The following PCDH15 variants were observed in gnomAD, a reference collection of about 807,000 sequenced individuals.
PCDH15 encodes the protein protocadherin-15.
In PCDH15, 129 loss-of-function variants were observed where a neutral mutation model predicts 178.5. The ratio of observed to expected loss-of-function variants is 0.72; its 90% CI spans 0.63 to 0.84. The LOEUF is 0.84. Among genes scored for constraint, PCDH15 ranks in the 40% least tolerant of loss-of-function variants. The pLI, the probability that PCDH15 is intolerant of heterozygous loss-of-function variation, is 0.00. For missense variants in PCDH15, 2,230 were observed against 2,099.9 expected (o/e 1.06, Z -1.21); for synonymous variants, 800 against 732.0 (o/e 1.09, Z -1.50).
intron 1 of PCDH15, among the ~76,000 whole-genome samples, chr10:55,280,724 T>C (rs960009479): frequency 6.6e-6 from 1 of 152,140 alleles, no homozygotes; most frequent in Admixed American, 6.5e-5. Flanking sequence ...GTAAACCGCA[T>C]TCACCTAGAA....
chr10:53,956,965 A>C (rs917810567), intron 23 of PCDH15, among the ~76,000 whole-genome samples: 2 of 152,242 alleles, frequency 1.3e-5, no homozygotes, highest in South Asian at 2.1e-4. Context: ...GGCATTAAGC[A>C]AAGATACTTA....
chr10:53,904,062 C>T lies in PCDH15; in HGVS notation c.3374-692G>A, dbSNP rs75955389. Among the ~76,000 whole-genome samples the T allele has an allele frequency of 4.6e-5, 7 of 152,152 alleles. No homozygotes were observed. In the East Asian group the frequency reaches 1.4e-3, roughly 29 times the overall value. On this transcript the variant is annotated intron_variant, in intron 25 of 37. Coordinates refer to ENST00000644397, the MANE Select transcript of PCDH15 (RefSeq NM_001384140.1). ...ATATGTCATCATCAAATGTTAGAAC[C>T]TCCCTCAAATCATCACACCTTTAAT...
At chr10:55,066,450 T>A (rs899138810) in intron 2 of PCDH15, among the ~76,000 whole-genome samples, 1 of 150,922 alleles carries the variant, frequency 6.6e-6, no homozygotes, top group African/African-American at 2.4e-5. Flanking sequence ...ATATGCAGTG[T>A]TCTCTGTATC....
chr10:54,428,403 G>A (rs933536662), intron 3 of PCDH15, among the ~76,000 whole-genome samples: 1 of 152,200 alleles, frequency 6.6e-6, no homozygotes, highest in Admixed American at 6.5e-5. Flanking sequence ...GTATGAGTAT[G>A]TCCCATGAAA....
At position 54,489,439 on chromosome 10, in the gene PCDH15, T is replaced by C. The variant is rs902749367; in HGVS notation, c.157+38373A>G. Among the ~76,000 whole-genome samples, 7 of 152,122 alleles carry C rather than the reference T, an allele frequency of 4.6e-5. No individual in the cohort carries two copies. The East Asian group carries it at 1.3e-3, about 29-fold the overall frequency. On this transcript the variant is annotated intron_variant, in intron 3 of 37. Coordinates refer to ENST00000644397, the MANE Select transcript of PCDH15 (RefSeq NM_001384140.1). The stretch of plus-strand genomic sequence containing the variant: ...TAAAAAAGAGTAATGCTGAAAATAA[T>C]TATAGTTGTTGGATATGCTCCTCAT...
At chr10:55,132,825 G>A (rs976430585) in intron 2 of PCDH15, among the ~76,000 whole-genome samples, 8 of 152,250 alleles carry the variant, frequency 5.3e-5, no homozygotes, top group Non-Finnish European at 7.3e-5. Flanking sequence ...TTAAGACTGT[G>A]AGCATTTACC....
intron 2 of PCDH15, among the ~76,000 whole-genome samples, chr10:54,622,660 A>AATT (rs2093408766): frequency 1.1e-5 from 1 of 94,002 alleles, no homozygotes; most frequent in Non-Finnish European, 1.9e-5. Context: ...TATACTATAT[A>AATT]ATATATATTA....
rs539932453 is a variant in PCDH15 at position 55,113,117 on chromosome 10, T to C, written c.-80+53459A>G. On this transcript the variant is annotated intron_variant, in intron 2 of 5. Coordinates refer to the PCDH15 transcript ENST00000458638. ...ATCTCAAATTTCCAGTCTCCAAAAC[T>C]GTGAGAAATAAATATCTGTCATTTC... Among the ~76,000 whole-genome samples the C allele has an allele frequency of 1.7e-3, 262 of 152,296 alleles. 1 individual carries two copies. Among genetic ancestry groups the C allele is most frequent in the African/African-American group, 5.5e-3 (227 of 41,564 alleles).
rs1273216809 is a variant in PCDH15, at chr10:55,075,557, G to A, written c.-80+91019C>T. Among the ~76,000 whole-genome samples the A allele has an allele frequency of 2.6e-5, 4 of 151,752 alleles. No homozygotes were observed. The South Asian group carries it at 8.3e-4, about 32-fold the overall frequency. On this transcript the variant is annotated intron_variant, in intron 2 of 5. Coordinates refer to the PCDH15 transcript ENST00000458638. ...ATTTTTGTATTTTAGTAGAGACGGG[G>A]TTTCACCATGCTGGCCAAGATGGTC...
intron 1 of PCDH15, among the ~76,000 whole-genome samples, chr10:55,253,229 C>CGTGT (rs879700043): frequency 2.8e-4 from 35 of 125,458 alleles, no homozygotes; most frequent in Non-Finnish European, 4.2e-4. Context: ...AGAGTATGTG[C>CGTGT]GTGTGTGTGT....
chr10:53,805,706 G>C lies in PCDH15; in HGVS notation c.*873C>G, dbSNP rs1429114694. The C allele has an allele frequency of 6.6e-6, 1 of 152,036 alleles. No homozygotes were observed. The highest frequency in any genetic ancestry group is 1.5e-5 in the Non-Finnish European group (1 of 67,998). The allele number at this position is 152,036 out of a possible 1,614,324, so 9.4% of individuals were successfully genotyped here. ...TTAAAGTCTAGTGACATTAATGTGAGACTTCCCTAACCTCACCATGTCTTC... is the reference window on the plus strand; with the variant it reads ...TTAAAGTCTAGTGACATTAATGTGACACTTCCCTAACCTCACCATGTCTTC... On this transcript the variant is annotated 3_prime_UTR_variant, in exon 38 of 38. Coordinates refer to ENST00000644397, the MANE Select transcript of PCDH15 (RefSeq NM_001384140.1).
At chr10:55,360,562 A>G (rs1027887189) in intron 2 of PCDH15, among the ~76,000 whole-genome samples, 1 of 152,016 alleles carries the variant, frequency 6.6e-6, no homozygotes, top group South Asian at 2.1e-4. Flanking sequence ...TGAGCCTGCA[A>G]TTCATAAAAG....
chr10:54,418,056 C>T lies in PCDH15; in HGVS notation c.158-39114G>A, dbSNP rs564356533. On this transcript the variant is annotated intron_variant, in intron 3 of 37. Coordinates refer to ENST00000644397, the MANE Select transcript of PCDH15 (RefSeq NM_001384140.1). ...TCTGAGTAGCTGGAATTGCAGGTGC[C>T]CAGCCACTGTGCCCAGCCACAATTG... Among the ~76,000 whole-genome samples the T allele has an allele frequency of 2.0e-3, 297 of 152,228 alleles. 1 individual carries two copies. Among genetic ancestry groups the T allele is most frequent in the Admixed American group, 3.2e-3 (49 of 15,270 alleles).
chr10:53,913,980 A>C (rs1169016600), intron 25 of PCDH15, among the ~76,000 whole-genome samples: 1 of 139,048 alleles, frequency 7.2e-6, no homozygotes, highest in Admixed American at 7.1e-5. Context: ...TTTCAAAAGA[A>C]GACATTTATG....
At chr10:54,274,736 A>T (rs1386252246) in intron 8 of PCDH15, among the ~76,000 whole-genome samples, 1 of 151,208 alleles carries the variant, frequency 6.6e-6, no homozygotes, top group Non-Finnish European at 1.5e-5. Flanking sequence ...TATTTTTTTC[A>T]TCATATTGAC....
rs1479120721 is a variant in PCDH15, at chr10:55,076,249, T to C, written c.-80+90327A>G. ...CTCTGTAAATGTCTGTTATGTTCAT[T>C]TGCTCTAAAGTCCAATTTAAGTCCA... On this transcript the variant is annotated intron_variant, in intron 2 of 5. Transcript: ENST00000458638. 3.9e-5 allele frequency among the ~76,000 whole-genome samples: 6 copies of C among 152,310 alleles called. No individual in the cohort carries two copies. The East Asian group carries it at 1.2e-3, about 29-fold the overall frequency.
chr10:54,779,406 GTATATATATA>G (rs60576217), intron 1 of PCDH15, among the ~76,000 whole-genome samples: 1 of 107,014 alleles, frequency 9.3e-6, no homozygotes, highest in African/African-American at 3.9e-5. Context: ...ATATATATAT[GTATATATATA>G]TATATACACA....
intron 3 of PCDH15, among the ~76,000 whole-genome samples, chr10:54,831,152 G>C (rs1329966114): frequency 6.6e-6 from 1 of 151,978 alleles, no homozygotes; most frequent in East Asian, 1.9e-4. Flanking sequence ...TTAACTTCCT[G>C]AAAATAGAGA....
At chr10:55,425,656 TCA>T (rs145398693) in intron 2 of PCDH15, among the ~76,000 whole-genome samples, 2 of 96,338 alleles carry the variant, frequency 2.1e-5, no homozygotes, top group African/African-American at 4.9e-5. Flanking sequence ...TACTAGCTTT[TCA>T]CACACACACA....
Sources: allele counts gnomAD v4.1 joint callset (sites outside exome capture counted in the v4.1 genomes callset), GRCh38; gene constraint gnomAD v4.1.1; transcripts MANE v1.5; gene names NCBI Gene and HGNC (gene_info 2026-07-23, HGNC 2026-07-21).